The following CTNNA3 variants were observed in gnomAD, a reference collection of about 807,000 sequenced individuals.
CTNNA3 encodes catenin alpha 3, also known as catenin alpha-3.
CTNNA3 carries 76 observed loss-of-function variants against 95.7 expected under a neutral mutation model. The observed-to-expected ratio is 0.79, with a 90% CI of 0.66 to 0.96. The LOEUF (loss-of-function observed/expected upper bound fraction) is 0.96, where lower values mean the gene tolerates loss of function less well. Among genes scored for constraint, CTNNA3 ranks in the 40% least tolerant of loss-of-function variants. CTNNA3 has a pLI of 0.00. For synonymous variants in CTNNA3, 431 were observed against 374.4 expected (o/e 1.15, Z -1.74); for missense variants, 1,191 against 1,089.8 (o/e 1.09, Z -1.31).
chr10:66,896,547 C>A (rs1845500004), intron 7 of CTNNA3, among the ~76,000 whole-genome samples: 1 of 152,164 alleles, frequency 6.6e-6, no homozygotes, highest in Admixed American at 6.5e-5. Context: ...GACTACAGAT[C>A]ATTTCTTAAA....
chr10:67,298,524 T>C (rs1840135095), intron 5 of CTNNA3, among the ~76,000 whole-genome samples: 1 of 152,252 alleles, frequency 6.6e-6, no homozygotes, highest in Non-Finnish European at 1.5e-5. Context: ...TACTTGCTTC[T>C]TCCTGCCTGT....
intron 5 of CTNNA3, among the ~76,000 whole-genome samples, chr10:67,268,404 G>A (rs1197661012): frequency 6.6e-6 from 1 of 151,570 alleles, no homozygotes; most frequent in Non-Finnish European, 1.5e-5. Context: ...TGCCTGTAGT[G>A]CCAGCTACTT....
intron 11 of CTNNA3, among the ~76,000 whole-genome samples, chr10:66,470,300 G>C (rs148901796): frequency 6.6e-5 from 10 of 152,002 alleles, no homozygotes; most frequent in African/African-American, 2.4e-4. Flanking sequence ...CGAACAGGAA[G>C]TTTGAAGACT....
intron 5 of CTNNA3, among the ~76,000 whole-genome samples, chr10:67,359,589 T>C (rs944606626): frequency 6.6e-6 from 1 of 152,110 alleles, no homozygotes; most frequent in African/African-American, 2.4e-5. Context: ...CAAAATACAG[T>C]TGGAAGCTTC....
At chr10:67,008,081 T>G (rs757673506) in intron 7 of CTNNA3, among the ~76,000 whole-genome samples, 72 of 149,934 alleles carry the variant, frequency 4.8e-4, no homozygotes, top group Non-Finnish European at 8.8e-4. Flanking sequence ...TTTTTTCTTG[T>G]TTTTTTTTAA....
At chr10:67,530,899 T>C (rs977579203) in intron 4 of CTNNA3, among the ~76,000 whole-genome samples, 31 of 152,160 alleles carry the variant, frequency 2.0e-4, no homozygotes, top group Admixed American at 5.2e-4. Context: ...TCCCAGCTGC[T>C]CCAGCCGTGG....
intron 10 of CTNNA3, among the ~76,000 whole-genome samples, chr10:66,523,945 G>T (rs1423596268): frequency 6.6e-6 from 1 of 152,066 alleles, no homozygotes; most frequent in African/African-American, 2.4e-5. Flanking sequence ...CCGTCCCCAG[G>T]TTGGTCCTTA....
At chr10:66,130,831 G>A (rs1366287934) in intron 13 of CTNNA3, among the ~76,000 whole-genome samples, 1 of 149,764 alleles carries the variant, frequency 6.7e-6, no homozygotes, top group African/African-American at 2.5e-5. Context: ...ACTCCAGCCT[G>A]GTGACACAGC....
intron 12 of CTNNA3, among the ~76,000 whole-genome samples, chr10:66,324,529 G>T (rs188073754): frequency 1.3e-5 from 2 of 152,210 alleles, no homozygotes. Context: ...TGTAACACTG[G>T]GGTTGCAGGC....
chr10:66,199,805 A>ATTTTTTTTTTTTTTTTTTT (rs1226520776), intron 13 of CTNNA3, among the ~76,000 whole-genome samples: 1 of 14,292 alleles, frequency 7.0e-5, no homozygotes, highest in Non-Finnish European at 1.1e-4. Flanking sequence ...ATATATATAT[A>ATTTTTTTTTTTTTTTTTTT]TTTTTTTTTT....
At chr10:66,457,269 A>T (rs1423376246) in intron 11 of CTNNA3, among the ~76,000 whole-genome samples, 2 of 152,162 alleles carry the variant, frequency 1.3e-5, no homozygotes, top group African/African-American at 2.4e-5. Flanking sequence ...ATGAAAAGCT[A>T]AACTTCAAAA....
intron 1 of CTNNA3, among the ~76,000 whole-genome samples, chr10:67,707,096 A>T (rs1018979741): frequency 6.6e-6 from 1 of 152,102 alleles, no homozygotes; most frequent in Non-Finnish European, 1.5e-5. Context: ...TTTGTCTTTA[A>T]CATGTCCACA....
intron 12 of CTNNA3, among the ~76,000 whole-genome samples, chr10:66,360,897 C>A (rs958264909): frequency 2.8e-4 from 32 of 116,256 alleles, no homozygotes; most frequent in African/African-American, 1.0e-3. Flanking sequence ...TTCTTTATTT[C>A]TTTCTCTCTC....
chr10:66,622,935 T>C (rs1028751284), intron 9 of CTNNA3, among the ~76,000 whole-genome samples: 13 of 152,256 alleles, frequency 8.5e-5, no homozygotes, highest in African/African-American at 3.1e-4. Flanking sequence ...CATTCACATA[T>C]AATGAAATAA....
intron 1 of CTNNA3, among the ~76,000 whole-genome samples, chr10:67,743,838 A>C (rs1362013243): frequency 6.6e-6 from 1 of 151,146 alleles, no homozygotes; most frequent in African/African-American, 2.4e-5. Flanking sequence ...AAAAATCACA[A>C]GCATTCTTAT....
chr10:66,178,426 T>TAC (rs1431554853), intron 13 of CTNNA3, among the ~76,000 whole-genome samples: 1,149 of 67,310 alleles, frequency 0.017, 33 homozygotes, highest in South Asian at 0.12. Flanking sequence ...TATATATATA[T>TAC]ATATATATAT....
At chr10:66,593,897 C>T (rs145778518) in intron 10 of CTNNA3, among the ~76,000 whole-genome samples, 17 of 152,046 alleles carry the variant, frequency 1.1e-4, no homozygotes, top group African/African-American at 3.1e-4. Context: ...GGCCTCATTG[C>T]TTTCCTTTTC....
At chr10:66,353,386 T>C (rs893439588) in intron 12 of CTNNA3, among the ~76,000 whole-genome samples, 4 of 152,120 alleles carry the variant, frequency 2.6e-5, no homozygotes, top group African/African-American at 9.7e-5. Flanking sequence ...AAGGCTATGT[T>C]TGTACATCTT....
chr10:67,629,767 G>GA (rs1324345519), intron 2 of CTNNA3, among the ~76,000 whole-genome samples: 2 of 152,104 alleles, frequency 1.3e-5, no homozygotes, highest in African/African-American at 2.4e-5. Context: ...TTTGGAAACT[G>GA]AAAAAAATCT....
Sources: gnomAD v4.1 joint callset for allele counts (sites outside exome capture counted in the v4.1 genomes callset) on GRCh38, gnomAD v4.1.1 for gene constraint, MANE v1.5 for transcripts, NCBI Gene and HGNC (gene_info 2026-07-23, HGNC 2026-07-21) for gene names.